Variants in OPCML observed in about 807,000 individuals in gnomAD.
OPCML encodes the protein opioid binding protein/cell adhesion molecule like, also known as opioid-binding protein/cell adhesion molecule.
OPCML carries 13 observed loss-of-function variants against 37.8 expected under a neutral mutation model. The observed-to-expected ratio is 0.34, with a 90% CI of 0.22 to 0.55. The LOEUF (loss-of-function observed/expected upper bound fraction) is 0.55, where lower values mean the gene tolerates loss of function less well. Ranked by LOEUF, OPCML falls within the 20% of genes least tolerant of loss-of-function variation. The probability of loss-of-function intolerance (pLI) is 0.91; values close to 1 mark genes in which losing one functional copy is unlikely to be tolerated. For synonymous variants in OPCML, 176 were observed against 168.8 expected, an observed-to-expected ratio of 1.04 and a Z score of -0.33; for missense variants, 341 against 435.6, an observed-to-expected ratio of 0.78 and a Z score of 1.93.
intron 1 of OPCML, among the ~76,000 whole-genome samples, chr11:133,343,519 C>G (rs1353729648): frequency 6.6e-6 from 1 of 152,200 alleles, no homozygotes; most frequent in Non-Finnish European, 1.5e-5. Context: ...CAATTTGACT[C>G]TCAGAGGGGG....
At chr11:132,645,484 T>G (rs1941101280) in intron 3 of OPCML, among the ~76,000 whole-genome samples, 1 of 152,236 alleles carries the variant, frequency 6.6e-6, no homozygotes, top group South Asian at 2.1e-4. Flanking sequence ...AAAGAGAGAC[T>G]TCTATGGTCA....
At chr11:132,438,119 ATAT>A (rs771328632) in intron 4 of OPCML, among the ~76,000 whole-genome samples, 39 of 152,226 alleles carry the variant, frequency 2.6e-4, no homozygotes, top group Non-Finnish European at 5.0e-4. Context: ...ATAATTCAAA[ATAT>A]TATGGGCTGC....
At chr11:132,434,809 T>C (rs983554557) in intron 7 of OPCML, among the ~76,000 whole-genome samples, 5 of 152,124 alleles carry the variant, frequency 3.3e-5, no homozygotes, top group Admixed American at 3.3e-4. Context: ...CTGAGACAGT[T>C]ATCTATTAAT....
intron 1 of OPCML, among the ~76,000 whole-genome samples, chr11:133,259,374 A>T (rs764542581): frequency 6.8e-4 from 103 of 152,324 alleles, no homozygotes; most frequent in Non-Finnish European, 1.1e-3. Flanking sequence ...AAGGTTTAGT[A>T]TTTGCTGAAG....
chr11:132,995,463 C>A (rs192094868), intron 1 of OPCML, among the ~76,000 whole-genome samples: 5 of 151,684 alleles, frequency 3.3e-5, no homozygotes, highest in Admixed American at 6.6e-5. Flanking sequence ...CCCTCCCTCC[C>A]TTCTTCCCTC....
intron 1 of OPCML, among the ~76,000 whole-genome samples, chr11:133,348,268 T>C (rs374390092): frequency 6.6e-6 from 1 of 152,206 alleles, no homozygotes; most frequent in South Asian, 2.1e-4. Context: ...CAGATGCCAA[T>C]TGAATCTCAT....
chr11:132,652,410 C>T (rs1413578642), intron 3 of OPCML, among the ~76,000 whole-genome samples: 1 of 146,748 alleles, frequency 6.8e-6, no homozygotes, highest in Non-Finnish European at 1.5e-5. Flanking sequence ...TGAAAATGTT[C>T]CATTGATCTA....
At chr11:133,124,222 T>A (rs573506704) in intron 1 of OPCML, among the ~76,000 whole-genome samples, 1 of 152,166 alleles carries the variant, frequency 6.6e-6, no homozygotes, top group Non-Finnish European at 1.5e-5. Context: ...CTGATTCTCT[T>A]AAGTCCAGCT....
chr11:132,806,930 T>C (rs1209325042), intron 2 of OPCML, among the ~76,000 whole-genome samples: 1 of 152,146 alleles, frequency 6.6e-6, no homozygotes, highest in Non-Finnish European at 1.5e-5. Flanking sequence ...CATTTCTAAA[T>C]AACTCATGGA....
chr11:132,996,971 C>G (rs1450316481), intron 1 of OPCML, among the ~76,000 whole-genome samples: 1 of 152,194 alleles, frequency 6.6e-6, no homozygotes, highest in Admixed American at 6.5e-5. Flanking sequence ...GCGGCCTCTG[C>G]CGAGGCAGCT....
At chr11:132,664,617 A>G (rs1418599160) in intron 2 of OPCML, among the ~76,000 whole-genome samples, 3 of 152,200 alleles carry the variant, frequency 2.0e-5, no homozygotes. Flanking sequence ...ATAATTTTTT[A>G]AGGGAAAGAA....
intron 1 of OPCML, among the ~76,000 whole-genome samples, chr11:133,102,410 C>G (rs1353089545): frequency 6.6e-6 from 1 of 152,134 alleles, no homozygotes; most frequent in Non-Finnish European, 1.5e-5. Context: ...CAGGATGAGA[C>G]AAGCTCTTAA....
At chr11:132,595,654 C>G (rs1341258882) in intron 3 of OPCML, among the ~76,000 whole-genome samples, 1 of 152,144 alleles carries the variant, frequency 6.6e-6, no homozygotes, top group Non-Finnish European at 1.5e-5. Flanking sequence ...ACAGTTAGGA[C>G]CTGTGCATCC....
At position 133,132,463 on chromosome 11, in the gene OPCML, T is replaced by C. The variant is rs117404889; in HGVS notation, c.62-189453A>G. Among the ~76,000 whole-genome samples, 169 of 152,268 alleles carry C rather than the reference T, an allele frequency of 1.1e-3. 1 individual carries two copies. Among genetic ancestry groups the C allele is most frequent in the Non-Finnish European group, 2.0e-3 (135 of 68,004 alleles). Reference sequence around the variant, plus strand: ...AAAATGATACAACTACTTTGGAAAATAGTGTGACAGTTTCTTGAAGAGTGA... The same window carrying C: ...AAAATGATACAACTACTTTGGAAAACAGTGTGACAGTTTCTTGAAGAGTGA... On this transcript the variant is annotated intron_variant, in intron 1 of 7. Coordinates refer to ENST00000524381, the MANE Select transcript of OPCML (RefSeq NM_001012393.5).
At chr11:132,430,508 T>C (rs114919566) in intron 7 of OPCML, among the ~76,000 whole-genome samples, 2,719 of 152,286 alleles carry the variant, frequency 0.018, 58 homozygotes, top group African/African-American at 0.06. Flanking sequence ...TACGCCCTCA[T>C]GGCTCCCAGG....
At chr11:132,586,067 G>T (rs2096471908) in intron 3 of OPCML, among the ~76,000 whole-genome samples, 1 of 152,078 alleles carries the variant, frequency 6.6e-6, no homozygotes, top group Admixed American at 6.6e-5. Flanking sequence ...TGTGTAGGGT[G>T]GGGGCACTGA....
intron 1 of OPCML, among the ~76,000 whole-genome samples, chr11:133,101,126 T>C (rs759830475): frequency 6.6e-5 from 10 of 152,106 alleles, no homozygotes; most frequent in Non-Finnish European, 1.2e-4. Flanking sequence ...GGTTTCACCA[T>C]ATTGGCCAGG....
intron 2 of OPCML, among the ~76,000 whole-genome samples, chr11:132,821,450 C>G (rs1235053906): frequency 6.6e-6 from 1 of 152,196 alleles, no homozygotes; most frequent in Non-Finnish European, 1.5e-5. Flanking sequence ...ATGTGCCAGG[C>G]AAAGCAAGAA....
At chr11:133,270,967 T>G (rs1401443829) in intron 1 of OPCML, among the ~76,000 whole-genome samples, 1 of 152,186 alleles carries the variant, frequency 6.6e-6, no homozygotes, top group East Asian at 1.9e-4. Context: ...CGTTAAGGTC[T>G]GTGTATAGGA....
Sources: allele counts gnomAD v4.1 joint callset (sites outside exome capture counted in the v4.1 genomes callset), GRCh38; gene constraint gnomAD v4.1.1; transcripts MANE v1.5; gene names NCBI Gene and HGNC (gene_info 2026-07-23, HGNC 2026-07-21).